CSMD1: variants seen among roughly 807,000 people sequenced by gnomAD.
CSMD1 encodes CUB and Sushi multiple domains 1, also known as CUB and sushi domain-containing protein 1.
A neutral mutation model predicts 417.5 loss-of-function variants in CSMD1; 213 were observed. The observed-to-expected ratio is 0.51, with a 90% CI of 0.46 to 0.57. The LOEUF (loss-of-function observed/expected upper bound fraction) is 0.57, where lower values mean the gene tolerates loss of function less well. Among genes scored for constraint, CSMD1 ranks in the 20% least tolerant of loss-of-function variants. The pLI is 0.00. For synonymous variants in CSMD1, 2,862 were observed against 1,736.8 expected (o/e 1.65, Z -16.11); for missense variants, 6,923 against 4,529.7 (o/e 1.53, Z -15.17).
At chr8:4,120,589 C>T (rs562927749) in intron 3 of CSMD1, among the ~76,000 whole-genome samples, 1 of 152,192 alleles carries the variant, frequency 6.6e-6, no homozygotes, top group South Asian at 2.1e-4. Context: ...TGGCCTGTGG[C>T]CTCACACTTT....
At chr8:4,519,869 G>T (rs1409510379) in intron 2 of CSMD1, among the ~76,000 whole-genome samples, 1 of 149,126 alleles carries the variant, frequency 6.7e-6, no homozygotes, top group African/African-American at 2.5e-5. Flanking sequence ...CACTAGATTT[G>T]GTTCATGAGG....
intron 3 of CSMD1, among the ~76,000 whole-genome samples, chr8:4,178,954 C>G (rs1221306818): frequency 2.6e-5 from 4 of 152,104 alleles, no homozygotes; most frequent in Non-Finnish European, 5.9e-5. Context: ...AAGAACATTC[C>G]ATGCTCATGG....
At chr8:4,092,794 T>C (rs1401121270) in intron 3 of CSMD1, among the ~76,000 whole-genome samples, 1 of 152,130 alleles carries the variant, frequency 6.6e-6, no homozygotes, top group East Asian at 1.9e-4. Flanking sequence ...ATGAAATCTA[T>C]TTTTTAATAG....
intron 3 of CSMD1, among the ~76,000 whole-genome samples, chr8:4,375,732 C>T (rs929430711): frequency 2.0e-5 from 3 of 152,154 alleles, no homozygotes; most frequent in African/African-American, 7.2e-5. Flanking sequence ...TCCTCACTTC[C>T]CGACTGCCTG....
At chr8:4,571,040 C>G (rs1049854960) in intron 2 of CSMD1, among the ~76,000 whole-genome samples, 1 of 151,930 alleles carries the variant, frequency 6.6e-6, no homozygotes. Flanking sequence ...TCTTCTTCTT[C>G]TTTATTAGTC....
At chr8:2,984,944 C>T (rs1275324200) in intron 54 of CSMD1, among the ~76,000 whole-genome samples, 1 of 152,222 alleles carries the variant, frequency 6.6e-6, no homozygotes, top group Non-Finnish European at 1.5e-5. Flanking sequence ...TTAAAAAATA[C>T]ATTGAAAATG....
rs112744754 is a variant in CSMD1, at chr8:4,311,227, C to T, written c.415+108726G>A. Reference sequence around the variant, plus strand: ...ATGTTCATTATAGCACCGTTCACAACAGCAAAGGCACGGAATCAACCTAAA... The same window carrying T: ...ATGTTCATTATAGCACCGTTCACAATAGCAAAGGCACGGAATCAACCTAAA... On this transcript the variant is annotated intron_variant, in intron 3 of 69. Coordinates refer to ENST00000635120, the MANE Select transcript of CSMD1 (RefSeq NM_033225.6). Among the ~76,000 whole-genome samples, 517 of 152,204 alleles carry T rather than the reference C, an allele frequency of 3.4e-3. 1 individual carries two copies. The highest frequency in any genetic ancestry group is 0.011 in the African/African-American group (473 of 41,528).
At chr8:3,863,078 G>A (rs1376215299) in intron 5 of CSMD1, among the ~76,000 whole-genome samples, 2 of 152,104 alleles carry the variant, frequency 1.3e-5, no homozygotes, top group African/African-American at 2.4e-5. Context: ...TGGAAGGAGA[G>A]GCAAGAGAGA....
chr8:3,178,654 T>C (rs540008617), intron 37 of CSMD1, among the ~76,000 whole-genome samples: 33 of 152,230 alleles, frequency 2.2e-4, no homozygotes, highest in Admixed American at 5.9e-4. Flanking sequence ...ACTTCAAAAA[T>C]ATAGGGCTGT....
chr8:3,264,091 T>C (rs1245527267), intron 26 of CSMD1, among the ~76,000 whole-genome samples: 2 of 152,200 alleles, frequency 1.3e-5, no homozygotes, highest in Non-Finnish European at 2.9e-5. Context: ...AGAGATCCTT[T>C]TCTAAACATT....
intron 3 of CSMD1, among the ~76,000 whole-genome samples, chr8:4,060,406 C>G (rs1173767292): frequency 6.6e-6 from 1 of 152,178 alleles, no homozygotes; most frequent in Admixed American, 6.5e-5. Flanking sequence ...CCCTCTCTCA[C>G]CACTCCTATT....
At chr8:4,379,084 C>T (rs922312398) in intron 3 of CSMD1, among the ~76,000 whole-genome samples, 2 of 152,182 alleles carry the variant, frequency 1.3e-5, no homozygotes, top group Non-Finnish European at 2.9e-5. Flanking sequence ...ATTCAGCCTA[C>T]ACCACCTTAC....
chr8:3,190,182 G>A (rs1796327875), intron 33 of CSMD1, 67 bp from the exon 34 acceptor site: 5 of 1,304,452 alleles, frequency 3.8e-6, no homozygotes, highest in Non-Finnish European at 5.4e-6. Context: ...TGCGTGGAAC[G>A]TGGGTTTAAG....
intron 1 of CSMD1, among the ~76,000 whole-genome samples, chr8:4,808,146 C>A (rs575498809): frequency 6.6e-6 from 1 of 152,186 alleles, no homozygotes; most frequent in African/African-American, 2.4e-5. Flanking sequence ...TCCACCACCA[C>A]GATTCCGGCG....
At chr8:3,294,735 G>T (rs916687183) in intron 25 of CSMD1, among the ~76,000 whole-genome samples, 1 of 152,164 alleles carries the variant, frequency 6.6e-6, no homozygotes, top group Non-Finnish European at 1.5e-5. Context: ...CCCTTTCTTT[G>T]ACTAGGATAG....
intron 1 of CSMD1, among the ~76,000 whole-genome samples, chr8:4,710,605 G>T (rs1019038564): frequency 6.6e-6 from 1 of 151,122 alleles, no homozygotes; most frequent in Non-Finnish European, 1.5e-5. Flanking sequence ...CAGCACTTTG[G>T]GAGACTCAGA....
At position 3,776,058 on chromosome 8, in the gene CSMD1, A is replaced by T. The variant is rs559950386; in HGVS notation, c.819-22016T>A. Among the ~76,000 whole-genome samples the T allele has an allele frequency of 9.9e-5, 15 of 152,272 alleles. 1 individual carries two copies. In the South Asian group the frequency reaches 2.7e-3, roughly 27 times the overall value. ...ATGTGCTGGAGCCACCTCAGAACCCATACACCTACCTTGTCCATACAAATC... is the reference window on the plus strand; with the variant it reads ...ATGTGCTGGAGCCACCTCAGAACCCTTACACCTACCTTGTCCATACAAATC... On this transcript the variant is annotated intron_variant, in intron 5 of 69. Coordinates refer to ENST00000635120, the MANE Select transcript of CSMD1 (RefSeq NM_033225.6).
intron 17 of CSMD1, among the ~76,000 whole-genome samples, chr8:3,393,820 C>G (rs1309911520): frequency 1.3e-5 from 2 of 150,994 alleles, no homozygotes; most frequent in East Asian, 2.0e-4. Flanking sequence ...AGGGGAACAT[C>G]ACACTCTGGG....
In CSMD1 at chr8:3,230,127, C is replaced by G; in HGVS notation, c.4258G>C (p.Gly1420Arg). The part of the protein sequence containing the change: ...GDTVTFQCDP[G>R]YQLQGQAKIT... ...TTGGCTTGTCCTTGGAGCTGATAGC[C>G]AGGGTCACACTGGAATGTGACGGTG... The change falls in exon 27 of 70, where the codon GGC becomes CGC. Residue 1420 changes from glycine to arginine, a missense_variant. Physicochemically the swap from Gly to Arg is moderately radical, Grantham distance 125. Coordinates refer to ENST00000635120, the MANE Select transcript of CSMD1 (RefSeq NM_033225.6). 1 of 1,613,734 alleles carries G rather than the reference C, an allele frequency of 6.2e-7. No individual in the cohort carries two copies. Among genetic ancestry groups the G allele is most frequent in the Non-Finnish European group, 8.5e-7 (1 of 1,179,782 alleles).
Sources: allele counts gnomAD v4.1 joint callset (sites outside exome capture counted in the v4.1 genomes callset), GRCh38; gene constraint gnomAD v4.1.1; transcripts MANE v1.5; gene names NCBI Gene and HGNC (gene_info 2026-07-23, HGNC 2026-07-21).